The following DOCK1 variants were observed in gnomAD, a reference collection of about 807,000 sequenced individuals.
DOCK1 encodes the protein dedicator of cytokinesis 1, also known as dedicator of cytokinesis protein 1.
Under a neutral mutation model 262.7 loss-of-function variants are expected in DOCK1, and 138 were observed. That is an observed-to-expected ratio of 0.53 (90% CI 0.46 to 0.61). DOCK1 has a LOEUF of 0.61. Ranked by LOEUF, DOCK1 falls within the 20% of genes least tolerant of loss-of-function variation. DOCK1 has a pLI of 0.00. For synonymous variants in DOCK1, 866 were observed against 867.4 expected (o/e 1.00, Z 0.03); for missense variants, 1,908 against 2,370.7 (o/e 0.80, Z 4.05).
chr10:127,013,122 G>A (rs2041597752), intron 12 of DOCK1, among the ~76,000 whole-genome samples: 1 of 152,190 alleles, frequency 6.6e-6, no homozygotes, highest in Non-Finnish European at 1.5e-5. Context: ...TGTTCTAAAG[G>A]AGAATGTGAA....
At chr10:126,969,426 G>A (rs932435888) in intron 1 of DOCK1, among the ~76,000 whole-genome samples, 5 of 152,240 alleles carry the variant, frequency 3.3e-5, no homozygotes, top group African/African-American at 1.2e-4. Context: ...GTACGGCTAA[G>A]CACCTTCCTG....
At chr10:127,411,195 G>C (rs187071699) in intron 43 of DOCK1, among the ~76,000 whole-genome samples, 1 of 152,282 alleles carries the variant, frequency 6.6e-6, no homozygotes, top group African/African-American at 2.4e-5. Context: ...GTAGCGCACT[G>C]CCTTCCCTGC....
intron 27 of DOCK1, among the ~76,000 whole-genome samples, chr10:127,154,611 A>T (rs1190442069): frequency 6.6e-6 from 1 of 152,230 alleles, no homozygotes; most frequent in African/African-American, 2.4e-5. Context: ...TTTAGAGAAG[A>T]AAATGCCAAG....
intron 32 of DOCK1, among the ~76,000 whole-genome samples, chr10:127,355,651 T>C (rs1275691132): frequency 6.6e-6 from 1 of 152,222 alleles, no homozygotes; most frequent in Non-Finnish European, 1.5e-5. Flanking sequence ...AGAGAATCTT[T>C]TCCTACTAGA....
intron 22 of DOCK1, among the ~76,000 whole-genome samples, chr10:127,056,971 C>T (rs1415753642): frequency 6.7e-6 from 1 of 148,268 alleles, no homozygotes; most frequent in African/African-American, 2.5e-5. Context: ...TCCTCCCCAT[C>T]CCACCCCTGC....
At chr10:127,154,062 T>TAA (rs2052781900) in intron 27 of DOCK1, 1 of 643,522 alleles carries the variant, frequency 1.6e-6, no homozygotes, top group Non-Finnish European at 2.8e-6. Flanking sequence ...TGCTTCCCAG[T>TAA]TTGCTCCTGT....
At chr10:127,255,495 C>G (rs1220373477) in intron 28 of DOCK1, among the ~76,000 whole-genome samples, 2 of 152,162 alleles carry the variant, frequency 1.3e-5, no homozygotes, top group East Asian at 3.9e-4. Context: ...CTTGGAGACC[C>G]TAGTGGAACA....
intron 27 of DOCK1, among the ~76,000 whole-genome samples, chr10:127,201,074 C>T (rs946118421): frequency 2.6e-5 from 4 of 152,220 alleles, no homozygotes; most frequent in Non-Finnish European, 1.5e-5. Flanking sequence ...ATATCGCCTT[C>T]GACCTGTAGG....
At chr10:127,120,075 G>T (rs1564817084) in intron 25 of DOCK1, among the ~76,000 whole-genome samples, 1 of 152,190 alleles carries the variant, frequency 6.6e-6, no homozygotes, top group South Asian at 2.1e-4. Flanking sequence ...CCTCACAGCT[G>T]ATTTGCATGG....
intron 29 of DOCK1, among the ~76,000 whole-genome samples, chr10:127,288,131 C>CTT (rs2061225651): frequency 6.6e-6 from 1 of 152,090 alleles, no homozygotes; most frequent in Non-Finnish European, 1.5e-5. Flanking sequence ...TCTTTAATAC[C>CTT]TTCATGAATT....
At chr10:127,304,073 A>G (rs55688814) in intron 29 of DOCK1, among the ~76,000 whole-genome samples, 19,572 of 152,122 alleles carry the variant, frequency 0.13, 1,664 homozygotes, top group African/African-American at 0.24. Context: ...GAGTGGAAAG[A>G]GCACTGGGCT....
chr10:127,017,118 A>G (rs1446210744), intron 12 of DOCK1, among the ~76,000 whole-genome samples: 2 of 135,534 alleles, frequency 1.5e-5, no homozygotes, highest in South Asian at 2.5e-4. Flanking sequence ...CACATGATAC[A>G]CCATAAAAAC....
At chr10:127,402,044 A>G (rs1287920573) in intron 38 of DOCK1, among the ~76,000 whole-genome samples, 1 of 152,192 alleles carries the variant, frequency 6.6e-6, no homozygotes, top group Non-Finnish European at 1.5e-5. Flanking sequence ...TGCAGCATAT[A>G]GGAAGCTTTC....
At chr10:126,909,128 A>G (rs572776192) in intron 1 of DOCK1, among the ~76,000 whole-genome samples, 132 of 152,306 alleles carry the variant, frequency 8.7e-4, no homozygotes, top group African/African-American at 2.8e-3. Flanking sequence ...TTGGCTGTCA[A>G]AGTTGTGAAA....
Position 127,338,954 on chromosome 10 carries a change from G to A in DOCK1, c.3045-52G>A, listed in dbSNP as rs2063310646. ...ATCTAATTGAAATGCCAAACCTACC[G>A]AAGTGCCAGAGCGTAAGTGTGTAAT... On this transcript the variant is annotated intron_variant, in intron 29 of 51. Coordinates refer to ENST00000623213, the MANE Select transcript of DOCK1 (RefSeq NM_001290223.2). The A allele has an allele frequency of 4.8e-6, 7 of 1,466,884 alleles. No homozygotes were observed. In the South Asian group the frequency reaches 6.1e-5, roughly 13 times the overall value. 90.9% of individuals were successfully genotyped at this position (1,466,884 alleles called of 1,614,324 possible).
chr10:127,240,480 A>G (rs11016880), intron 27 of DOCK1, among the ~76,000 whole-genome samples: 43,423 of 151,940 alleles, frequency 0.29, 6,235 homozygotes, highest in East Asian at 0.39. Context: ...ATGAGAATGG[A>G]CACCCATTTT....
intron 48 of DOCK1, among the ~76,000 whole-genome samples, chr10:127,438,288 C>A (rs1375729962): frequency 1.3e-5 from 2 of 152,332 alleles, no homozygotes; most frequent in East Asian, 3.9e-4. Flanking sequence ...TGGTACATGC[C>A]TTAGACACTA....
At chr10:127,147,158 G>T (rs575805171) in intron 27 of DOCK1, among the ~76,000 whole-genome samples, 3 of 152,274 alleles carry the variant, frequency 2.0e-5, no homozygotes, top group African/African-American at 4.8e-5. Flanking sequence ...GTCATTTGGG[G>T]AAGGAACTTG....
At chr10:127,031,340 A>G (rs2043225839) in intron 16 of DOCK1, among the ~76,000 whole-genome samples, 1 of 152,082 alleles carries the variant, frequency 6.6e-6, no homozygotes, top group Non-Finnish European at 1.5e-5. Context: ...CTTCAAGACC[A>G]TGCTGCTCTT....
Sources: allele counts gnomAD v4.1 joint callset (sites outside exome capture counted in the v4.1 genomes callset), GRCh38; gene constraint gnomAD v4.1.1; transcripts MANE v1.5; gene names NCBI Gene and HGNC (gene_info 2026-07-23, HGNC 2026-07-21).